The following DDAH1 variants were observed in gnomAD, a reference collection of about 807,000 sequenced individuals.
DDAH1 encodes the protein N(G),N(G)-dimethylarginine dimethylaminohydrolase 1.
Under a neutral mutation model 28.8 loss-of-function variants are expected in DDAH1, and 19 were observed. That is an observed-to-expected ratio of 0.66 (90% CI 0.46 to 0.97). The LOEUF (loss-of-function observed/expected upper bound fraction) is 0.97. Among genes scored for constraint, DDAH1 ranks in the 50% least tolerant of loss-of-function variants. The pLI is 0.00. For missense variants in DDAH1, 326 were observed against 375.9 expected, an observed-to-expected ratio of 0.87 and a Z score of 1.10; for synonymous variants, 153 against 154.4, an observed-to-expected ratio of 0.99 and a Z score of 0.07.
chr1:85,538,291 T>C (rs1658355258), intron 1 of DDAH1, among the ~76,000 whole-genome samples: 1 of 152,172 alleles, frequency 6.6e-6, no homozygotes, highest in Non-Finnish European at 1.5e-5. Context: ...AAATAATTAC[T>C]GCATAAAATA....
intron 1 of DDAH1, among the ~76,000 whole-genome samples, chr1:85,433,972 A>G (rs1439268960): frequency 6.6e-6 from 1 of 152,174 alleles, no homozygotes; most frequent in African/African-American, 2.4e-5. Flanking sequence ...ATTCAAAAAA[A>G]TAATTTAACA....
At chr1:85,503,518 CATCTATCTATCTATCTATCTATCT>C (rs61426289) in intron 1 of DDAH1, among the ~76,000 whole-genome samples, 62 of 144,116 alleles carry the variant, frequency 4.3e-4, no homozygotes, top group Admixed American at 5.6e-4. Flanking sequence ...CTTTAAAGTT[CATCTATCTATCTATCTATCTATCT>C]ATCTATCTAT....
At chr1:85,451,450 G>T (rs1654666822) in intron 1 of DDAH1, among the ~76,000 whole-genome samples, 1 of 152,168 alleles carries the variant, frequency 6.6e-6, no homozygotes, top group African/African-American at 2.4e-5. Context: ...CCATAACAAT[G>T]CTATAGGGTA....
intron 4 of DDAH1, among the ~76,000 whole-genome samples, chr1:85,346,632 A>G (rs545860675): frequency 6.6e-6 from 1 of 152,312 alleles, no homozygotes; most frequent in Non-Finnish European, 1.5e-5. Flanking sequence ...GTAAAATGGG[A>G]AAAACAAAGC....
intron 1 of DDAH1, among the ~76,000 whole-genome samples, chr1:85,549,350 C>T (rs946356262): frequency 6.6e-6 from 1 of 152,160 alleles, no homozygotes; most frequent in African/African-American, 2.4e-5. Flanking sequence ...CTTGTTTAAA[C>T]AAGAGTTGCT....
chr1:85,465,025 G>C lies in DDAH1; in HGVS notation c.21C>G (p.Pro7=). MAGLGH[P]AAFGRATHAV... The stretch of plus-strand genomic sequence containing the variant: ...CGTGGGTGGCCCGGCCGAAGGCGGC[G>C]GGGTGGCCGAGCCCGGCCATGGCTT... Residue 7 remains proline, a synonymous_variant, in exon 1 of 6, where the codon CCC becomes CCG. Transcript: ENST00000284031. 1 of 1,327,192 alleles carries C rather than the reference G, an allele frequency of 7.5e-7. No homozygotes were observed. The highest frequency in any genetic ancestry group is 9.6e-7 in the Non-Finnish European group (1 of 1,041,874). 82.2% of individuals were successfully genotyped at this position (1,327,192 alleles called of 1,614,324 possible). A position where few individuals can be genotyped will look rare whatever the true frequency, so the allele number is the denominator to read the frequency against.
chr1:85,324,334 T>A (rs1647233494), intron 5 of DDAH1, among the ~76,000 whole-genome samples: 1 of 146,482 alleles, frequency 6.8e-6, no homozygotes, highest in Non-Finnish European at 1.5e-5. Flanking sequence ...AAAGAAAAGC[T>A]GCCCTTTTCT....
At chr1:85,378,435 G>C (rs142658237) in intron 1 of DDAH1, among the ~76,000 whole-genome samples, 1 of 152,236 alleles carries the variant, frequency 6.6e-6, no homozygotes, top group Non-Finnish European at 1.5e-5. Flanking sequence ...TTGAGACAGG[G>C]TCTTGCTTTG....
At chr1:85,484,594 A>T (rs1656136149) in intron 2 of DDAH1, among the ~76,000 whole-genome samples, 1 of 152,206 alleles carries the variant, frequency 6.6e-6, no homozygotes, top group Non-Finnish European at 1.5e-5. Flanking sequence ...TGGATACAAG[A>T]TCTACAGTCA....
chr1:85,340,772 T>C (rs1009003567), intron 4 of DDAH1, among the ~76,000 whole-genome samples: 3 of 151,828 alleles, frequency 2.0e-5, no homozygotes, highest in Non-Finnish European at 4.4e-5. Flanking sequence ...AAAAAAAAAA[T>C]CTGTGTTGTC....
At chr1:85,423,068 G>A (rs1653220535) in intron 1 of DDAH1, among the ~76,000 whole-genome samples, 1 of 152,162 alleles carries the variant, frequency 6.6e-6, no homozygotes, top group Non-Finnish European at 1.5e-5. Flanking sequence ...CCTTGTCAAA[G>A]ATAAATTGCC....
chr1:85,323,807 C>T lies in DDAH1; in HGVS notation c.741+933G>A, dbSNP rs149963105. Among the ~76,000 whole-genome samples, 139 of 151,738 alleles carry T rather than the reference C, an allele frequency of 9.2e-4. 1 individual carries two copies. The highest frequency in any genetic ancestry group is 3.4e-3 in the Middle Eastern group (1 of 294). ...GCAACATAAGGAGACCCCGTCTCTA[C>T]AAAAAATAAAAAATTAGCCAGGTAT... On this transcript the variant is annotated intron_variant, in intron 5 of 5. Transcript: ENST00000284031.
rs528933219 is a variant in DDAH1, at chr1:85,444,844, G to A, written c.303+19899C>T. On this transcript the variant is annotated intron_variant, in intron 1 of 5. Coordinates refer to ENST00000284031, the MANE Select transcript of DDAH1 (RefSeq NM_012137.4). Reference sequence around the variant, plus strand: ...GGGGGATTAGTCAGGGTTCTCTAGAGGAACAGAACTAATGGAATAGATATA... The same window carrying A: ...GGGGGATTAGTCAGGGTTCTCTAGAAGAACAGAACTAATGGAATAGATATA... Among the ~76,000 whole-genome samples the A allele has an allele frequency of 2.0e-5, 3 of 149,854 alleles. No homozygotes were observed. The East Asian group carries it at 5.9e-4, about 29-fold the overall frequency.
At chr1:85,425,421 C>T (rs778083316) in intron 1 of DDAH1, among the ~76,000 whole-genome samples, 3 of 152,038 alleles carry the variant, frequency 2.0e-5, no homozygotes, top group South Asian at 4.2e-4. Flanking sequence ...TATATTTCTT[C>T]GATGGATAAA....
chr1:85,493,378 A>T (rs925237092), intron 2 of DDAH1: 2 of 152,082 alleles, frequency 1.3e-5, no homozygotes, highest in African/African-American at 4.8e-5. Flanking sequence ...AGCTTAAAAA[A>T]TTTTTCAAAA....
At chr1:85,510,313 A>G (rs11589999) in intron 1 of DDAH1, among the ~76,000 whole-genome samples, 21,893 of 152,234 alleles carry the variant, frequency 0.14, 1,733 homozygotes, top group Admixed American at 0.25. Context: ...AGAATTTGTC[A>G]CAACCAGGCT....
intron 4 of DDAH1, among the ~76,000 whole-genome samples, chr1:85,347,199 A>T (rs569673844): frequency 2.0e-4 from 30 of 152,358 alleles, no homozygotes; most frequent in African/African-American, 7.0e-4. Flanking sequence ...ATTGTGGAAG[A>T]CAGTGTGGCG....
chr1:85,392,790 TAA>T (rs11314404), intron 1 of DDAH1, among the ~76,000 whole-genome samples: 1,595 of 109,410 alleles, frequency 0.015, 49 homozygotes, highest in Non-Finnish European at 0.021. Context: ...AGACTCTGTC[TAA>T]AAAAAAAAAA....
At chr1:85,576,968 C>G (rs1051723965) in intron 1 of DDAH1, 1 of 154,452 alleles carries the variant, frequency 6.5e-6, no homozygotes, top group Non-Finnish European at 1.4e-5. Context: ...GCCGCCGCCG[C>G]CACCGCCACC....
Sources: gnomAD v4.1 joint callset for allele counts (sites outside exome capture counted in the v4.1 genomes callset) on GRCh38, gnomAD v4.1.1 for gene constraint, MANE v1.5 for transcripts, NCBI Gene and HGNC (gene_info 2026-07-23, HGNC 2026-07-21) for gene names.